The following STX8 variants were observed in gnomAD, a reference collection of about 807,000 sequenced individuals.
The protein encoded by STX8 is syntaxin-8.
In STX8, 23 loss-of-function variants were observed where a neutral mutation model predicts 37.5. That is an observed-to-expected ratio of 0.61 (90% CI 0.44 to 0.87). The LOEUF (loss-of-function observed/expected upper bound fraction) is 0.87. STX8 is among the 40% of genes least tolerant of loss of function. STX8 has a pLI of 0.00. For missense variants in STX8, 313 were observed against 284.7 expected (o/e 1.10, Z -0.71); for synonymous variants, 115 against 99.1 (o/e 1.16, Z -0.95).
intron 7 of STX8, among the ~76,000 whole-genome samples, chr17:9,270,831 T>C (rs1333166822): frequency 3.3e-5 from 5 of 152,244 alleles, no homozygotes; most frequent in African/African-American, 1.2e-4. Flanking sequence ...TTTAAAATTC[T>C]AGGAGAATAT....
intron 5 of STX8, among the ~76,000 whole-genome samples, chr17:9,495,155 C>A (rs953202002): frequency 2.0e-5 from 3 of 152,086 alleles, no homozygotes; most frequent in African/African-American, 7.2e-5. Context: ...AGGTAACAAC[C>A]CCTTTGTGAC....
In STX8 at chr17:9,378,686, G is replaced by GA. The variant is rs369802819; in HGVS notation, c.542-34dup. 3.1e-4 allele frequency: 469 copies of GA among 1,509,220 alleles called. 3 individuals are homozygous for GA. The African/African-American group carries it at 4.8e-3, about 16-fold the overall frequency. The allele number at this position is 1,509,220 out of a possible 1,614,324, so 93.5% of individuals were successfully genotyped here. A position where few individuals can be genotyped will look rare whatever the true frequency, so the allele number is the denominator to read the frequency against. On this transcript the variant is annotated intron_variant, in intron 6 of 7. Transcript: ENST00000306357. The stretch of plus-strand genomic sequence containing the variant: ...GGAAACATACATGATTACTATTCCT[G>GA]AAATACCCCGGTTCACATCACAGTA...
intron 2 of STX8, among the ~76,000 whole-genome samples, chr17:9,566,342 A>G (rs1907459298): frequency 6.6e-6 from 1 of 152,236 alleles, no homozygotes; most frequent in African/African-American, 2.4e-5. Context: ...AGGAACACTT[A>G]TACACTGTTA....
intron 7 of STX8, among the ~76,000 whole-genome samples, chr17:9,353,669 T>C (rs770524910): frequency 1.3e-5 from 2 of 152,214 alleles, no homozygotes; most frequent in South Asian, 4.1e-4. Flanking sequence ...ACAATAAATC[T>C]ACTTAGTAGA....
chr17:9,473,585 A>T (rs541967222), intron 6 of STX8, among the ~76,000 whole-genome samples: 9 of 152,148 alleles, frequency 5.9e-5, no homozygotes, highest in Non-Finnish European at 1.2e-4. Context: ...TATGTAATAG[A>T]TGTTACGCTA....
chr17:9,318,160 T>C (rs898657012), intron 7 of STX8, among the ~76,000 whole-genome samples: 2 of 152,214 alleles, frequency 1.3e-5, no homozygotes, highest in African/African-American at 4.8e-5. Flanking sequence ...CTAGGGTCCA[T>C]GTGCACAACG....
At chr17:9,572,969 C>A (rs1043191496) in intron 1 of STX8, among the ~76,000 whole-genome samples, 1 of 152,104 alleles carries the variant, frequency 6.6e-6, no homozygotes, top group South Asian at 2.1e-4. Context: ...TTATCTTTGA[C>A]CTTTATTTCC....
At chr17:9,326,949 C>T (rs1339182135) in intron 7 of STX8, among the ~76,000 whole-genome samples, 6 of 152,144 alleles carry the variant, frequency 3.9e-5, no homozygotes, top group Admixed American at 1.3e-4. Flanking sequence ...CACCTGATGT[C>T]GGGAGTTCAA....
At chr17:9,270,926 TCA>T (rs1214764646) in intron 7 of STX8, among the ~76,000 whole-genome samples, 1 of 152,224 alleles carries the variant, frequency 6.6e-6, no homozygotes, top group African/African-American at 2.4e-5. Context: ...TGGGTTCCTA[TCA>T]CAGATGATTT....
intron 7 of STX8, among the ~76,000 whole-genome samples, chr17:9,350,810 G>A (rs959742828): frequency 1.3e-5 from 2 of 152,218 alleles, no homozygotes; most frequent in Non-Finnish European, 2.9e-5. Context: ...TGGGATTACA[G>A]GCGTGAGCCA....
chr17:9,368,300 C>T (rs573934821), intron 7 of STX8, among the ~76,000 whole-genome samples: 3 of 152,118 alleles, frequency 2.0e-5, no homozygotes, highest in African/African-American at 4.8e-5. Flanking sequence ...GTCAGGAGAT[C>T]GAGACCATCC....
intron 6 of STX8, among the ~76,000 whole-genome samples, chr17:9,415,884 A>C (rs1339238836): frequency 1.3e-5 from 2 of 152,180 alleles, no homozygotes; most frequent in Non-Finnish European, 2.9e-5. Context: ...CAAATCCCAA[A>C]ATAACATACT....
At chr17:9,318,603 A>C (rs1909465953) in intron 7 of STX8, among the ~76,000 whole-genome samples, 1 of 152,180 alleles carries the variant, frequency 6.6e-6, no homozygotes, top group African/African-American at 2.4e-5. Flanking sequence ...GATAAATAAA[A>C]ACAGGTCACA....
rs1235015249 is a variant in STX8 at position 9,449,379 on chromosome 17, C to T, written c.541+42450G>A. Among the ~76,000 whole-genome samples the T allele has an allele frequency of 5.3e-5, 8 of 152,152 alleles. No homozygotes were observed. The East Asian group carries it at 1.5e-3, about 29-fold the overall frequency. On this transcript the variant is annotated intron_variant, in intron 6 of 7. Coordinates refer to ENST00000306357, the MANE Select transcript of STX8 (RefSeq NM_004853.3). Reference sequence around the variant, plus strand: ...ATCGAGACCACCCTGGCTTACACGGCGAAACCCCGTCTCCACTAAAAATAC... The same window carrying T: ...ATCGAGACCACCCTGGCTTACACGGTGAAACCCCGTCTCCACTAAAAATAC...
chr17:9,433,194 G>A (rs1297000580), intron 6 of STX8, among the ~76,000 whole-genome samples: 1 of 152,232 alleles, frequency 6.6e-6, no homozygotes. Context: ...GCGTTTTGAT[G>A]TGGAAGACAA....
chr17:9,291,441 CAA>C (rs371757156), intron 7 of STX8, among the ~76,000 whole-genome samples: 14 of 84,990 alleles, frequency 1.6e-4, no homozygotes, highest in African/African-American at 1.5e-4. Context: ...GACTCGGTCT[CAA>C]AAAAAAAAAA....
At chr17:9,330,940 C>T (rs951336962) in intron 7 of STX8, among the ~76,000 whole-genome samples, 2 of 152,250 alleles carry the variant, frequency 1.3e-5, no homozygotes, top group African/African-American at 4.8e-5. Context: ...GCACGAATAA[C>T]TAGCTAGCAA....
At position 9,533,046 on chromosome 17, in the gene STX8, T is replaced by C. The variant is rs117471761; in HGVS notation, c.323+12126A>G. Among the ~76,000 whole-genome samples, 782 of 152,316 alleles carry C rather than the reference T, an allele frequency of 5.1e-3. 3 individuals are homozygous for C. The highest frequency in any genetic ancestry group is 7.0e-3 in the Non-Finnish European group (477 of 68,030). ...ATTATCTATTAACATTTCACCAGAA[T>C]GTGTAGAAAAAGTCAGAAGCTACTA... On this transcript the variant is annotated intron_variant, in intron 4 of 7. Transcript: ENST00000306357.
intron 6 of STX8, among the ~76,000 whole-genome samples, chr17:9,403,454 A>ATG (rs1475162042): frequency 3.9e-5 from 6 of 152,042 alleles, no homozygotes; most frequent in Admixed American, 6.6e-5. Context: ...TAAGTAGGAA[A>ATG]TGTGTGTGTG....
Sources: gnomAD v4.1 joint callset for allele counts (sites outside exome capture counted in the v4.1 genomes callset) on GRCh38, gnomAD v4.1.1 for gene constraint, MANE v1.5 for transcripts, NCBI Gene and HGNC (gene_info 2026-07-23, HGNC 2026-07-21) for gene names.